ANKRD27: variants seen among roughly 807,000 people sequenced by gnomAD.
The protein encoded by ANKRD27 is ankyrin repeat domain 27.
In ANKRD27, 112 loss-of-function variants were observed where a neutral mutation model predicts 129.7. The observed-to-expected ratio is 0.86, with a 90% CI of 0.74 to 1.01. The LOEUF (loss-of-function observed/expected upper bound fraction) is 1.01, where lower values mean the gene tolerates loss of function less well. ANKRD27 is among the 50% of genes least tolerant of loss of function. The probability of loss-of-function intolerance (pLI) is 0.00; values close to 1 mark genes in which losing one functional copy is unlikely to be tolerated. For synonymous variants in ANKRD27, 516 were observed against 511.2 expected (o/e 1.01, Z -0.13); for missense variants, 1,258 against 1,300.5 (o/e 0.97, Z 0.50).
chr19:32,644,877 T>C (rs2145303211), intron 4 of ANKRD27, among the ~76,000 whole-genome samples: 1 of 152,304 alleles, frequency 6.6e-6, no homozygotes, highest in East Asian at 1.9e-4. Context: ...GAGACAAAGC[T>C]GGGGCTACTG....
intron 13 of ANKRD27, among the ~76,000 whole-genome samples, chr19:32,630,375 C>A (rs1029458791): frequency 6.6e-6 from 1 of 152,220 alleles, no homozygotes; most frequent in South Asian, 2.1e-4. Flanking sequence ...AGTGTCTGAG[C>A]AGGGAGCTGC....
At chr19:32,642,862 C>A (rs1397909561) in intron 9 of ANKRD27, among the ~76,000 whole-genome samples, 1 of 152,206 alleles carries the variant, frequency 6.6e-6, no homozygotes, top group East Asian at 1.9e-4. Context: ...TACATGCCCA[C>A]TTGGGGACCA....
intron 20 of ANKRD27, 95 bp from the exon 21 acceptor site, chr19:32,617,728 T>C: frequency 3.5e-6 from 2 of 573,148 alleles, no homozygotes; most frequent in Admixed American, 3.0e-5. Flanking sequence ...TTGGCTTGAT[T>C]TGTGGACTTT....
In ANKRD27 at chr19:32,602,037, G is replaced by GACAT. The variant is rs1677600821; in HGVS notation, c.2741_2744dup (p.Thr916CysfsTer4). ...TACATTTTTTCCTGATCTTAACAGT[G>GACAT]ACATACTCCTTGCGGTCAGTTTCAG... On this transcript the variant is annotated frameshift_variant, in exon 26 of 29. Coordinates refer to ENST00000306065, the MANE Select transcript of ANKRD27 (RefSeq NM_032139.3). LOFTEE classifies it high-confidence loss of function. The GACAT allele has an allele frequency of 6.2e-7, 1 of 1,613,278 alleles. No homozygotes were observed. The highest frequency in any genetic ancestry group is 1.7e-5 in the Admixed American group (1 of 59,982).
At chr19:32,670,199 C>A (rs7259627) in intron 1 of ANKRD27, among the ~76,000 whole-genome samples, 7,520 of 152,224 alleles carry the variant, frequency 0.049, 571 homozygotes, top group African/African-American at 0.15. Context: ...CACTGCTGTG[C>A]GGACAGGGCC....
chr19:32,651,187 CAAAG>C (rs1232415044), intron 2 of ANKRD27, among the ~76,000 whole-genome samples: 2 of 152,202 alleles, frequency 1.3e-5, no homozygotes, highest in African/African-American at 4.8e-5. Context: ...AGTTGGCAGA[CAAAG>C]AAAGAAGATC....
intron 21 of ANKRD27, 147 bp downstream of exon 21, chr19:32,617,442 G>C: frequency 2.2e-6 from 1 of 458,842 alleles, no homozygotes; most frequent in East Asian, 3.5e-5. Context: ...ATCTATTCAA[G>C]AGGCTGAGGC....
chr19:32,643,154 G>C lies in ANKRD27; in HGVS notation c.751C>G (p.Gln251Glu), dbSNP rs1249285923. The change falls in exon 9 of 29, where the codon CAG (glutamine) becomes GAG (glutamate). Residue 251 changes from glutamine to glutamate, a missense_variant. Coordinates refer to ENST00000306065, the MANE Select transcript of ANKRD27 (RefSeq NM_032139.3). The stretch of plus-strand genomic sequence containing the variant: ...TCCGGTTTCACACCAATATCTTTCT[G>C]CTGAAGATCTTGAAGGCTTCTTGTG... ...KITRSLQDLQQKDIGVKPEFS... is the reference protein window; with the variant it reads ...KITRSLQDLQEKDIGVKPEFS... The C allele has an allele frequency of 6.2e-7, 1 of 1,613,932 alleles. No homozygotes were observed. Among genetic ancestry groups the C allele is most frequent in the African/African-American group, 1.3e-5 (1 of 74,998 alleles).
intron 22 of ANKRD27, among the ~76,000 whole-genome samples, chr19:32,611,880 C>T (rs2145266156): frequency 1.3e-5 from 2 of 152,280 alleles, no homozygotes; most frequent in South Asian, 4.1e-4. Context: ...CGTGCCCGGC[C>T]AAATTCATTT....
rs1406149691 is a variant in ANKRD27, at chr19:32,602,015, A to AT, written c.2766dup (p.Trp923MetfsTer7). The AT allele has an allele frequency of 6.2e-7, 1 of 1,602,722 alleles. No homozygotes were observed. The highest frequency in any genetic ancestry group is 8.5e-7 in the Non-Finnish European group (1 of 1,172,252). On this transcript the variant is annotated frameshift_variant and splice_region_variant, in exon 26 of 29. Transcript: ENST00000306065. LOFTEE classifies it high-confidence loss of function. ...TGACAGAAAGAACGTAAACTCTTAC[A>AT]TTTTTTCCTGATCTTAACAGTGACA...
chr19:32,673,982 CA>C (rs59398609), intron 1 of ANKRD27, among the ~76,000 whole-genome samples: 2,487 of 110,854 alleles, frequency 0.022, 57 homozygotes, highest in African/African-American at 0.073. Flanking sequence ...TCCATCTCTA[CA>C]AAAAAAAAAA....
intron 21 of ANKRD27, 118 bp from the exon 22 acceptor site, chr19:32,615,898 C>G (rs1971910974): frequency 7.1e-7 from 1 of 1,409,138 alleles, no homozygotes; most frequent in Admixed American, 2.3e-5. Flanking sequence ...TCTCCAACCC[C>G]ACAGCCATTT....
intron 26 of ANKRD27, chr19:32,600,402 G>A (rs776728510): frequency 5.8e-5 from 11 of 189,266 alleles, no homozygotes; most frequent in Non-Finnish European, 6.8e-5. Context: ...TTAGCCAGGC[G>A]TGGTGGCACG....
chr19:32,644,627 C>T (rs1599762020), intron 4 of ANKRD27, 148 bp from the exon 5 acceptor site: 3 of 939,428 alleles, frequency 3.2e-6, no homozygotes, highest in Admixed American at 2.4e-5. Flanking sequence ...TACAGGACAC[C>T]CTGGAGTCCA....
intron 1 of ANKRD27, among the ~76,000 whole-genome samples, chr19:32,674,809 T>C: frequency 6.6e-6 from 1 of 151,432 alleles, no homozygotes; most frequent in Non-Finnish European, 1.5e-5. Flanking sequence ...GCTCGGAGGG[T>C]GCATTCTCCG....
chr19:32,646,719 C>G, intron 3 of ANKRD27, 104 bp from the exon 4 acceptor site: 2 of 1,274,096 alleles, frequency 1.6e-6, no homozygotes, highest in Non-Finnish European at 2.2e-6. Context: ...CGGCCTTCAC[C>G]CCATTGTGGG....
At chr19:32,605,739 G>C in intron 24 of ANKRD27, 96 bp downstream of exon 24, 10 of 1,517,684 alleles carry the variant, frequency 6.6e-6, no homozygotes, top group Non-Finnish European at 8.0e-6. Context: ...GGGTGGCCGG[G>C]CCTCTCCATC....
At chr19:32,644,748 T>A (rs1967269851) in intron 4 of ANKRD27, among the ~76,000 whole-genome samples, 1 of 152,200 alleles carries the variant, frequency 6.6e-6, no homozygotes, top group African/African-American at 2.4e-5. Context: ...TCCAGCACAT[T>A]ATTATCTCAA....
rs748471518 is a variant in ANKRD27, at chr19:32,615,701, C to G, written c.2132G>C (p.Cys711Ser). The G allele has an allele frequency of 4.6e-5, 74 of 1,614,126 alleles. No homozygotes were observed. Among genetic ancestry groups the G allele is most frequent in the Non-Finnish European group, 6.1e-5 (72 of 1,180,046 alleles). The change falls in exon 22 of 29, where the codon TGT (cysteine) becomes TCT (serine). Residue 711 changes from cysteine (C) to serine (S), a missense_variant. Physicochemically the swap from Cys to Ser is moderately radical, Grantham distance 112 (BLOSUM62 -1). Transcript: ENST00000306065. Reference sequence around the variant, plus strand: ...CTTGGGGCACTGGCACAACGGGTGACAGAATTCGGGGTCCGCTGCACTGAC... The same window carrying G: ...CTTGGGGCACTGGCACAACGGGTGAGAGAATTCGGGGTCCGCTGCACTGAC... ...DTVSAADPEF[C>S]HPLCQCPKCA...
Sources: allele counts gnomAD v4.1 joint callset (sites outside exome capture counted in the v4.1 genomes callset), GRCh38; gene constraint gnomAD v4.1.1; transcripts MANE v1.5; gene names NCBI Gene and HGNC (gene_info 2026-07-23, HGNC 2026-07-21).